Variants in DCC observed in about 807,000 individuals in gnomAD.
DCC encodes netrin receptor DCC.
A neutral mutation model predicts 172.5 loss-of-function variants in DCC; 58 were observed. That is an observed-to-expected ratio of 0.34 (90% confidence interval 0.27 to 0.42). The LOEUF is 0.42. Among genes scored for constraint, DCC ranks in the 10% least tolerant of loss-of-function variants. The pLI is 1.00. For synonymous variants in DCC, 709 were observed against 644.5 expected, an observed-to-expected ratio of 1.10 and a Z score of -1.52; for missense variants, 1,740 against 1,791.0, an observed-to-expected ratio of 0.97 and a Z score of 0.51.
At chr18:53,328,130 C>A (rs891104885) in intron 14 of DCC, among the ~76,000 whole-genome samples, 16 of 152,270 alleles carry the variant, frequency 1.1e-4, no homozygotes, top group Admixed American at 7.2e-4. Flanking sequence ...TTCCACTGTA[C>A]AAAGGATGGC....
rs942931600 is a variant in DCC at position 52,468,050 on chromosome 18, A to G, written c.91+127172A>G. ...CATTTTATGTGCATATACATTCACC[A>G]TAAATCAACTAAGTAATAGTTATGT... On this transcript the variant is annotated intron_variant, in intron 1 of 28. Transcript: ENST00000442544. Among the ~76,000 whole-genome samples, 20 of 152,334 alleles carry G rather than the reference A, an allele frequency of 1.3e-4. 1 individual carries two copies. The highest frequency in any genetic ancestry group is 4.1e-4 in the African/African-American group (17 of 41,582).
At chr18:52,511,222 A>G (rs1245749016) in intron 1 of DCC, among the ~76,000 whole-genome samples, 6 of 147,084 alleles carry the variant, frequency 4.1e-5, no homozygotes, top group Non-Finnish European at 6.0e-5. Flanking sequence ...CAGACATCGC[A>G]GTGAGCTGAG....
chr18:53,066,900 G>A (rs74384873), intron 7 of DCC, among the ~76,000 whole-genome samples: 10,996 of 152,070 alleles, frequency 0.072, 1,232 homozygotes, highest in African/African-American at 0.24. Flanking sequence ...CGAAGGGGCA[G>A]CAAGTGCATC....
chr18:53,126,819 G>T (rs531712355), intron 7 of DCC, among the ~76,000 whole-genome samples: 19 of 152,192 alleles, frequency 1.2e-4, no homozygotes, highest in Non-Finnish European at 2.2e-4. Flanking sequence ...ATTCTGACAC[G>T]TAGAAATTAT....
chr18:53,347,864 A>G lies in DCC; in HGVS notation c.2359+7957A>G, dbSNP rs533615975. Among the ~76,000 whole-genome samples, 4 of 152,252 alleles carry G rather than the reference A, an allele frequency of 2.6e-5. No homozygotes were observed. The South Asian group carries it at 8.3e-4, about 32-fold the overall frequency. ...TGAGATCTCATGAGGCTCATTCACT[A>G]TCATAAGAACAGTGCAGGAAAGACC... is the stretch of plus-strand genomic sequence containing the variant. On this transcript the variant is annotated intron_variant, in intron 15 of 28. Coordinates refer to ENST00000442544, the MANE Select transcript of DCC (RefSeq NM_005215.4).
At chr18:52,707,443 A>T (rs2036228223) in intron 1 of DCC, among the ~76,000 whole-genome samples, 1 of 152,210 alleles carries the variant, frequency 6.6e-6, no homozygotes, top group South Asian at 2.1e-4. Flanking sequence ...TAGAAAACAT[A>T]GGGAGATTCC....
chr18:52,958,601 G>A (rs2040786175), intron 5 of DCC, among the ~76,000 whole-genome samples: 1 of 152,046 alleles, frequency 6.6e-6, no homozygotes, highest in Admixed American at 6.6e-5. Flanking sequence ...CTAAACTGGG[G>A]CACGGACAAT....
Position 53,077,339 on chromosome 18 carries a change from G to A in DCC, c.1261+11173G>A, listed in dbSNP as rs145635669. Among the ~76,000 whole-genome samples the A allele has an allele frequency of 1.3e-5, 2 of 152,240 alleles. 1 individual carries two copies. Among genetic ancestry groups the A allele is most frequent in the East Asian group, 3.9e-4 (2 of 5,170 alleles). ...TTTTGGGGCTATCCCTCACTGAGCTGCAGTGTAGCAGCCATCCAATTTGGG... is the reference window on the plus strand; with the variant it reads ...TTTTGGGGCTATCCCTCACTGAGCTACAGTGTAGCAGCCATCCAATTTGGG... On this transcript the variant is annotated intron_variant, in intron 7 of 28. Coordinates refer to ENST00000442544, the MANE Select transcript of DCC (RefSeq NM_005215.4).
chr18:52,688,917 C>T (rs946919746), intron 1 of DCC, among the ~76,000 whole-genome samples: 1 of 152,010 alleles, frequency 6.6e-6, no homozygotes, highest in African/African-American at 2.4e-5. Flanking sequence ...TAATATTACC[C>T]AGTAAATCCT....
intron 1 of DCC, among the ~76,000 whole-genome samples, chr18:52,413,713 A>G (rs915451908): frequency 6.6e-6 from 1 of 152,164 alleles, no homozygotes; most frequent in African/African-American, 2.4e-5. Context: ...AAACAAGCAT[A>G]CTTCTTTATA....
chr18:52,967,584 CTCTT>C (rs1598980837), intron 5 of DCC, among the ~76,000 whole-genome samples: 1 of 152,124 alleles, frequency 6.6e-6, no homozygotes, highest in East Asian at 1.9e-4. Flanking sequence ...TTTTGTGTCT[CTCTT>C]TCTACAGTGT....
chr18:53,190,967 C>CA (rs1047762663), intron 9 of DCC, among the ~76,000 whole-genome samples: 40 of 151,976 alleles, frequency 2.6e-4, no homozygotes, highest in Non-Finnish European at 5.4e-4. Context: ...AACAAACAAA[C>CA]AAAAAATCTC....
At chr18:53,249,680 G>A (rs145094776) in intron 12 of DCC, among the ~76,000 whole-genome samples, 328 of 152,016 alleles carry the variant, frequency 2.2e-3, no homozygotes, top group African/African-American at 7.6e-3. Flanking sequence ...AGGCGTAACA[G>A]TAGAAAGAAA....
intron 25 of DCC, among the ~76,000 whole-genome samples, chr18:53,476,712 A>T (rs1490900595): frequency 6.6e-6 from 1 of 152,168 alleles, no homozygotes; most frequent in South Asian, 2.1e-4. Flanking sequence ...ATTACTTTTG[A>T]TGGAAGTCGA....
rs2055218639 is a variant in DCC at position 53,182,957 on chromosome 18, A to G, written c.1573+3841A>G. ...TCAGGTTAAAGAAAACGTTTTCATC[A>G]ATATTTCTTTTCTGACAAAATGATC... On this transcript the variant is annotated intron_variant, in intron 9 of 28. Coordinates refer to ENST00000442544, the MANE Select transcript of DCC (RefSeq NM_005215.4). 3.3e-5 allele frequency among the ~76,000 whole-genome samples: 5 copies of G among 152,250 alleles called. No homozygotes were observed. In the South Asian group the frequency reaches 1.0e-3, roughly 32 times the overall value.
chr18:52,764,922 A>G (rs1159073284), intron 2 of DCC, among the ~76,000 whole-genome samples: 3 of 152,122 alleles, frequency 2.0e-5, no homozygotes, highest in Non-Finnish European at 2.9e-5. Flanking sequence ...GACCCCATAG[A>G]GTCACATCAG....
chr18:52,373,887 C>CTTTTTTTTTT (rs779518696), intron 1 of DCC, among the ~76,000 whole-genome samples: 4 of 141,108 alleles, frequency 2.8e-5, no homozygotes, highest in Non-Finnish European at 1.5e-5. Flanking sequence ...TTGGTTGCAT[C>CTTTTTTTTTT]ATTTTTTTTT....
At chr18:52,769,938 A>G (rs2037313342) in intron 2 of DCC, among the ~76,000 whole-genome samples, 1 of 152,158 alleles carries the variant, frequency 6.6e-6, no homozygotes, top group Admixed American at 6.6e-5. Context: ...TTCCATGTCT[A>G]TTAACACCAT....
intron 12 of DCC, among the ~76,000 whole-genome samples, chr18:53,277,194 G>A (rs1357935937): frequency 1.3e-5 from 2 of 152,048 alleles, no homozygotes; most frequent in East Asian, 1.9e-4. Flanking sequence ...ACAGGGCCAG[G>A]CACGATAGCT....
Sources: gnomAD v4.1 joint callset for allele counts (sites outside exome capture counted in the v4.1 genomes callset) on GRCh38, gnomAD v4.1.1 for gene constraint, MANE v1.5 for transcripts, NCBI Gene and HGNC (gene_info 2026-07-23, HGNC 2026-07-21) for gene names.